Variants in NR6A1 observed in about 807,000 individuals in gnomAD.
NR6A1 encodes retinoic acid receptor-related testis-associated receptor.
In NR6A1, 7 loss-of-function variants were observed where a neutral mutation model predicts 59.1. The ratio of observed to expected loss-of-function variants is 0.12; its 90% CI spans 0.07 to 0.22. The LOEUF (loss-of-function observed/expected upper bound fraction) is 0.22, where lower values mean the gene tolerates loss of function less well. NR6A1 is among the 10% of genes least tolerant of loss of function. The pLI, the probability that NR6A1 is intolerant of heterozygous loss-of-function variation, is 1.00. For missense variants in NR6A1, 468 were observed against 611.6 expected, an observed-to-expected ratio of 0.77 and a Z score of 2.48; for synonymous variants, 243 against 236.1, an observed-to-expected ratio of 1.03 and a Z score of -0.27.
At chr9:124,679,411 C>A (rs1259191593) in intron 2 of NR6A1, among the ~76,000 whole-genome samples, 1 of 152,116 alleles carries the variant, frequency 6.6e-6, no homozygotes, top group Non-Finnish European at 1.5e-5. Context: ...TTCTATCTGC[C>A]TTAATCTAAA....
intron 1 of NR6A1, among the ~76,000 whole-genome samples, chr9:124,746,320 G>A (rs1164605102): frequency 6.6e-6 from 1 of 152,194 alleles, no homozygotes; most frequent in Non-Finnish European, 1.5e-5. Context: ...CAGGCACAGT[G>A]GCTCACACCT....
chr9:124,735,881 GTC>G (rs1266046903), intron 1 of NR6A1, among the ~76,000 whole-genome samples: 1 of 152,106 alleles, frequency 6.6e-6, no homozygotes, highest in African/African-American at 2.4e-5. Flanking sequence ...GCTCTTTAGG[GTC>G]TCTCTTATAA....
rs935982851 is a variant in NR6A1 at position 124,595,737 on chromosome 9, A to G, written c.143-41167T>C. On this transcript the variant is annotated intron_variant, in intron 2 of 9. Transcript: ENST00000487099. Reference sequence around the variant, plus strand: ...TCTAACCCTTAGATTTGGGCCCCAGACTGTTCCTTACCTTCCCATGTCTCC... The same window carrying G: ...TCTAACCCTTAGATTTGGGCCCCAGGCTGTTCCTTACCTTCCCATGTCTCC... 11 of 1,257,382 alleles carry G rather than the reference A, an allele frequency of 8.7e-6. 1 individual carries two copies. Among genetic ancestry groups the G allele is most frequent in the Non-Finnish European group, 1.1e-5 (11 of 959,446 alleles). The allele number at this position is 1,257,382 out of a possible 1,614,324, so 77.9% of individuals were successfully genotyped here. A position where few individuals can be genotyped will look rare whatever the true frequency, so the allele number is the denominator to read the frequency against.
At chr9:124,741,510 G>C (rs1471452672) in intron 1 of NR6A1, among the ~76,000 whole-genome samples, 1 of 152,194 alleles carries the variant, frequency 6.6e-6, no homozygotes, top group African/African-American at 2.4e-5. Flanking sequence ...GGAGTACAGA[G>C]CAGACAAAAA....
chr9:124,589,697 G>A (rs1015830411), intron 2 of NR6A1, among the ~76,000 whole-genome samples: 6 of 152,128 alleles, frequency 3.9e-5, no homozygotes, highest in African/African-American at 1.4e-4. Context: ...ATTTTCTTGT[G>A]CAGTGGTTAT....
intron 2 of NR6A1, among the ~76,000 whole-genome samples, chr9:124,558,869 C>A (rs1461454811): frequency 2.0e-5 from 3 of 152,146 alleles, no homozygotes; most frequent in Non-Finnish European, 4.4e-5. Context: ...AAGCCAGGGC[C>A]CCCCTTTGTA....
chr9:124,650,827 C>A (rs1449897256), intron 2 of NR6A1, among the ~76,000 whole-genome samples: 1 of 152,142 alleles, frequency 6.6e-6, no homozygotes, highest in Non-Finnish European at 1.5e-5. Flanking sequence ...AGAAATTATA[C>A]CAATTCTCTA....
At chr9:124,573,869 TA>T (rs1834519952) in intron 2 of NR6A1, among the ~76,000 whole-genome samples, 1 of 152,204 alleles carries the variant, frequency 6.6e-6, no homozygotes, top group African/African-American at 2.4e-5. Context: ...TATACATGGA[TA>T]AAACTTTGGA....
chr9:124,683,782 A>G lies in NR6A1; in HGVS notation c.142+49526T>C, dbSNP rs186012516. On this transcript the variant is annotated intron_variant, in intron 2 of 9. Coordinates refer to ENST00000487099, the MANE Select transcript of NR6A1 (RefSeq NM_033334.4). ...CACTCCAGCTTGGGCAACAAGAGTG[A>G]AACTCCATCTCAAAAATAAAAAAAT... is the stretch of plus-strand genomic sequence containing the variant. Among the ~76,000 whole-genome samples, 566 of 152,370 alleles carry G rather than the reference A, an allele frequency of 3.7e-3. 2 individuals are homozygous for G. Among genetic ancestry groups the G allele is most frequent in the African/African-American group, 0.013 (530 of 41,594 alleles).
chr9:124,583,360 C>T (rs1834828372), intron 2 of NR6A1, among the ~76,000 whole-genome samples: 2 of 152,178 alleles, frequency 1.3e-5, no homozygotes, highest in Admixed American at 6.5e-5. Flanking sequence ...CTCTGTAGTA[C>T]CTGGCAATTT....
At chr9:124,757,343 T>A (rs1840661200) in intron 1 of NR6A1, among the ~76,000 whole-genome samples, 1 of 151,794 alleles carries the variant, frequency 6.6e-6, no homozygotes, top group South Asian at 2.1e-4. Flanking sequence ...CATACAGCTA[T>A]CGAAAGTTTC....
At chr9:124,612,992 C>T (rs564464059) in intron 2 of NR6A1, among the ~76,000 whole-genome samples, 2 of 152,232 alleles carry the variant, frequency 1.3e-5, no homozygotes, top group South Asian at 2.1e-4. Context: ...AGTACTTGTG[C>T]AGGAGTGAGA....
intron 1 of NR6A1, among the ~76,000 whole-genome samples, chr9:124,768,063 G>C (rs1840988756): frequency 6.6e-6 from 1 of 152,188 alleles, no homozygotes; most frequent in African/African-American, 2.4e-5. Flanking sequence ...TTCCTGGAAG[G>C]ATGATGGTGC....
rs544783681 is a variant in NR6A1 at position 124,585,079 on chromosome 9, C to G, written c.143-30509G>C. Among the ~76,000 whole-genome samples, 175 of 152,322 alleles carry G rather than the reference C, an allele frequency of 1.1e-3. 1 individual carries two copies. Among genetic ancestry groups the G allele is most frequent in the African/African-American group, 3.8e-3 (159 of 41,576 alleles). On this transcript the variant is annotated intron_variant, in intron 2 of 9. Coordinates refer to ENST00000487099, the MANE Select transcript of NR6A1 (RefSeq NM_033334.4). Reference sequence around the variant, plus strand: ...AACCAATCACAACATTCTGGAAAGGCAAACCAATCACAACATTCTGTTAAG... The same window carrying G: ...AACCAATCACAACATTCTGGAAAGGGAAACCAATCACAACATTCTGTTAAG...
chr9:124,719,461 T>C (rs1468359294), intron 2 of NR6A1, among the ~76,000 whole-genome samples: 2 of 152,166 alleles, frequency 1.3e-5, no homozygotes, highest in East Asian at 1.9e-4. Context: ...AGGTATCAGA[T>C]TACATTTTTA....
At chr9:124,629,325 C>T (rs1836350991) in intron 2 of NR6A1, among the ~76,000 whole-genome samples, 2 of 152,312 alleles carry the variant, frequency 1.3e-5, no homozygotes, top group Admixed American at 1.3e-4. Context: ...ACTGTATTTT[C>T]CTGCAACAAA....
At chr9:124,667,505 CTTTAAAG>C in intron 2 of NR6A1, among the ~76,000 whole-genome samples, 2 of 152,270 alleles carry the variant, frequency 1.3e-5, no homozygotes, top group South Asian at 4.1e-4. Context: ...CACAAAACTA[CTTTAAAG>C]TTGGGATATT....
intron 1 of NR6A1, among the ~76,000 whole-genome samples, chr9:124,739,360 C>T (rs2131143506): frequency 6.6e-6 from 1 of 152,314 alleles, no homozygotes; most frequent in South Asian, 2.1e-4. Context: ...TGTAAATCAT[C>T]TACTTTATGG....
intron 2 of NR6A1, among the ~76,000 whole-genome samples, chr9:124,586,106 G>C (rs1834922794): frequency 6.6e-6 from 1 of 152,186 alleles, no homozygotes; most frequent in African/African-American, 2.4e-5. Flanking sequence ...AAGAATCATG[G>C]AGTAATTTTT....
Sources: allele counts gnomAD v4.1 joint callset (sites outside exome capture counted in the v4.1 genomes callset), GRCh38; gene constraint gnomAD v4.1.1; transcripts MANE v1.5; gene names NCBI Gene and HGNC (gene_info 2026-07-23, HGNC 2026-07-21).